Variants in NCOA4 observed in about 807,000 individuals in gnomAD.
The protein encoded by NCOA4 is 70 kDa AR-activator.
NCOA4 carries 31 observed loss-of-function variants against 69.5 expected under a neutral mutation model. The observed-to-expected ratio is 0.45, with a 90% CI of 0.34 to 0.60. The LOEUF is 0.60. Ranked by LOEUF, NCOA4 falls within the 20% of genes least tolerant of loss-of-function variation. The pLI is 0.02. For synonymous variants in NCOA4, 228 were observed against 252.4 expected, an observed-to-expected ratio of 0.90 and a Z score of 0.92; for missense variants, 600 against 719.2, an observed-to-expected ratio of 0.83 and a Z score of 1.90.
Position 46,010,607 on chromosome 10 carries a change from A to G in NCOA4, c.1314T>C (p.Asp438=), listed in dbSNP as rs782139845. The G allele has an allele frequency of 5.0e-6, 8 of 1,613,908 alleles. No homozygotes were observed. The South Asian group carries it at 8.8e-5, about 18-fold the overall frequency. The change falls in exon 8 of 10, where the codon GAT becomes GAC. Residue 438 remains aspartate, a synonymous_variant. Transcript: ENST00000581486. ...TGGGTTCCACAGGCATCCCATTTTT[A>G]TCCTTTCCTTCTTTCTTCAGAAGCC... ...YKWLLKKEGK[D]KNGMPVEPKP...
Position 46,006,295 on chromosome 10 carries a change from T to C in NCOA4, c.*297A>G, listed in dbSNP as rs1838805087. 4.3e-6 allele frequency: 2 copies of C among 462,442 alleles called. No homozygotes were observed. The highest frequency in any genetic ancestry group is 7.9e-6 in the Non-Finnish European group (2 of 254,434). 28.6% of individuals were successfully genotyped at this position (462,442 alleles called of 1,614,324 possible). On this transcript the variant is annotated 3_prime_UTR_variant, in exon 10 of 10. Transcript: ENST00000581486. ...AGTAACGACCCAATCTAAGGAGCCTTGGAGGCTTGTGAAAAAGACGTCCAC... is the reference window on the plus strand; with the variant it reads ...AGTAACGACCCAATCTAAGGAGCCTCGGAGGCTTGTGAAAAAGACGTCCAC...
intron 3 of NCOA4, 75 bp downstream of exon 3, chr10:46,015,051 C>A: frequency 1.9e-6 from 3 of 1,600,888 alleles, no homozygotes; most frequent in Non-Finnish European, 2.6e-6. Context: ...TATATTAACA[C>A]TGCATTACAA....
chr10:46,024,038 C>A, intron 1 of NCOA4, among the ~76,000 whole-genome samples: 1 of 152,254 alleles, frequency 6.6e-6, no homozygotes, highest in East Asian at 1.9e-4. Context: ...AAGGGGAACA[C>A]TAAGGAGCCA....
rs781944527 is a variant in NCOA4 at position 46,010,630 on chromosome 10, G to A, written c.1291C>T (p.Leu431Phe). 2 of 1,614,146 alleles carry A rather than the reference G, an allele frequency of 1.2e-6. No homozygotes were observed. Among genetic ancestry groups the A allele is most frequent in the South Asian group, 2.2e-5 (2 of 91,086 alleles). Reference protein sequence around the residue: ...NCEKEALYKWLLKKEGKDKNG... With the variant: ...NCEKEALYKWFLKKEGKDKNG... The stretch of plus-strand genomic sequence containing the variant: ...TTATCCTTTCCTTCTTTCTTCAGAA[G>A]CCACTTATACAGAGCCTCCTTCTCA... The change falls in exon 8 of 10, where the codon CTT becomes TTT. Residue 431 changes from leucine to phenylalanine, a missense_variant. Leu to Phe is a conservative substitution (Grantham distance 22). Coordinates refer to ENST00000581486, the MANE Select transcript of NCOA4 (RefSeq NM_001145263.2).
chr10:46,013,265 C>T (rs781894875), intron 6 of NCOA4, among the ~76,000 whole-genome samples: 1 of 152,184 alleles, frequency 6.6e-6, no homozygotes, highest in Non-Finnish European at 1.5e-5. Context: ...ATCATCTCTA[C>T]AAATTATAAA....
In NCOA4 at chr10:46,027,327, AAGTTAAGC is replaced by A. The variant is rs1337504521; in HGVS notation, c.-15+3191_-15+3198del. 1.8e-5 allele frequency: 18 copies of A among 998,650 alleles called. No homozygotes were observed. In the African/African-American group the frequency reaches 2.9e-4, roughly 16 times the overall value. The allele number at this position is 998,650 out of a possible 1,614,324, so 61.9% of individuals were successfully genotyped here. A position where few individuals can be genotyped will look rare whatever the true frequency, so the allele number is the denominator to read the frequency against. ...TTAAGACTGTAGTCATTCATATCAGAAGTTAAGCATTGCAATGTTATGATTTAACAATC... is the reference window on the plus strand; with the variant it reads ...TTAAGACTGTAGTCATTCATATCAGAATTGCAATGTTATGATTTAACAATC... On this transcript the variant is annotated intron_variant, in intron 1 of 9. Coordinates refer to ENST00000581486, the MANE Select transcript of NCOA4 (RefSeq NM_001145263.2).
chr10:46,010,426 T>A lies in NCOA4; in HGVS notation c.1495A>T (p.Ile499Phe). Residue 499 changes from isoleucine (I) to phenylalanine (F), a missense_variant, in exon 8 of 10, where the codon ATC (isoleucine) becomes TTC (phenylalanine). Transcript: ENST00000581486. ...IKNSPLSEWL[I>F]RPPYKEGSPK... ...CTTCCTTCTTTGTATGGGGGCCTGATAAGCCACTCCGACAAGGGGCTGTTC... is the reference window on the plus strand; with the variant it reads ...CTTCCTTCTTTGTATGGGGGCCTGAAAAGCCACTCCGACAAGGGGCTGTTC... 8 of 1,614,220 alleles carry A rather than the reference T, an allele frequency of 5.0e-6. No individual in the cohort carries two copies. Among genetic ancestry groups the A allele is most frequent in the Non-Finnish European group, 6.8e-6 (8 of 1,180,038 alleles).
intron 1 of NCOA4, among the ~76,000 whole-genome samples, chr10:46,026,089 C>A (rs781850334): frequency 6.6e-6 from 1 of 152,234 alleles, no homozygotes; most frequent in Non-Finnish European, 1.5e-5. Context: ...TAGGTTCAGA[C>A]TAGCCACAGT....
At chr10:46,023,681 G>T (rs1840021403) in intron 1 of NCOA4, among the ~76,000 whole-genome samples, 1 of 152,202 alleles carries the variant, frequency 6.6e-6, no homozygotes, top group Non-Finnish European at 1.5e-5. Flanking sequence ...CTCCTCTCCA[G>T]CCTCTCCTCT....
chr10:46,011,146 T>A lies in NCOA4; in HGVS notation c.775A>T (p.Asn259Tyr). The A allele has an allele frequency of 6.2e-7, 1 of 1,612,128 alleles. No homozygotes were observed. The change falls in exon 8 of 10, where the codon AAC becomes TAC. Residue 259 changes from asparagine (N) to tyrosine (Y), a missense_variant. Transcript: ENST00000581486. ...GATTTTTCACTCTTGAGGAGCCAGT[T>A]TTCTAAGCCCTTTAGGTTTCCCCCG... ...NVGGNLKGLENWLLKSEKSSY... is the reference protein window; with the variant it reads ...NVGGNLKGLEYWLLKSEKSSY...
chr10:46,021,286 T>TA (rs1839855483), intron 1 of NCOA4, among the ~76,000 whole-genome samples: 1 of 152,194 alleles, frequency 6.6e-6, no homozygotes, highest in Non-Finnish European at 1.5e-5. Context: ...CAAGCCTCTT[T>TA]AAAAAAATAA....
intron 5 of NCOA4, 69 bp downstream of exon 5, chr10:46,014,374 AT>A: frequency 9.0e-5 from 104 of 1,149,892 alleles, no homozygotes; most frequent in South Asian, 1.5e-4. Flanking sequence ...ATTCATAGCA[AT>A]TTTTTTTAAG....
intron 1 of NCOA4, among the ~76,000 whole-genome samples, chr10:46,018,262 C>G (rs1839684401): frequency 6.6e-6 from 1 of 152,106 alleles, no homozygotes; most frequent in South Asian, 2.1e-4. Context: ...AAAACAATCT[C>G]TACATAGCTG....
chr10:46,011,121 G>T lies in NCOA4; in HGVS notation c.800C>A (p.Ser267Ter), dbSNP rs1188506416. Residue 267 changes from serine to a stop codon, truncating the protein, a stop_gained, in exon 8 of 10, where the codon TCA (serine) becomes TAA (stop). Transcript: ENST00000581486. LOFTEE classifies it high-confidence loss of function. ...ATGGCTGTTACACTTTTGATAACTT[G>T]ATTTTTCACTCTTGAGGAGCCAGTT... ...LENWLLKSEK[S>*]SYQKCNSHST... is the part of the protein sequence containing the mutation. 8 of 1,613,576 alleles carry T rather than the reference G, an allele frequency of 5.0e-6. No individual in the cohort carries two copies. The highest frequency in any genetic ancestry group is 6.8e-6 in the Non-Finnish European group (8 of 1,179,776).
chr10:46,018,427 C>T (rs1010513039), intron 1 of NCOA4, among the ~76,000 whole-genome samples: 18 of 152,222 alleles, frequency 1.2e-4, no homozygotes, highest in African/African-American at 3.9e-4. Flanking sequence ...ATAACTTACA[C>T]ACTATTTGAC....
rs142126211 is a variant in NCOA4, at chr10:46,007,476, T to C, written c.1840-879A>G. ...TCAGTGCAGACAAAACAACTTCCTATTGGAAGAAGTAGTCATCTAGAACTG... is the reference window on the plus strand; with the variant it reads ...TCAGTGCAGACAAAACAACTTCCTACTGGAAGAAGTAGTCATCTAGAACTG... On this transcript the variant is annotated intron_variant, in intron 9 of 9. Transcript: ENST00000581486. Among the ~76,000 whole-genome samples the C allele has an allele frequency of 1.5e-4, 23 of 152,196 alleles. No homozygotes were observed. The East Asian group carries it at 3.5e-3, about 23-fold the overall frequency.
chr10:46,019,452 T>A, intron 1 of NCOA4: 3 of 985,488 alleles, frequency 3.0e-6, no homozygotes, highest in Non-Finnish European at 3.6e-6. Context: ...CCAGCCTTCT[T>A]CACCTGTGCC....
Position 46,006,765 on chromosome 10 carries a change from A to G in NCOA4, c.1840-168T>C, listed in dbSNP as rs532437304. ...TGAACTATGCCCATTAAAGATGGTA[A>G]ACTTTTCATCAATAAATGTCCTGAA... On this transcript the variant is annotated intron_variant, in intron 9 of 9. Transcript: ENST00000581486. Among the ~76,000 whole-genome samples, 108 of 152,348 alleles carry G rather than the reference A, an allele frequency of 7.1e-4. 2 individuals carry two copies. The South Asian group carries it at 0.022, about 31-fold the overall frequency.
chr10:46,011,866 C>T (rs1839230398), intron 7 of NCOA4, among the ~76,000 whole-genome samples: 2 of 150,994 alleles, frequency 1.3e-5, no homozygotes, highest in South Asian at 2.1e-4. Flanking sequence ...CTGGCTAACA[C>T]GGGTGAAACC....
Sources: allele counts gnomAD v4.1 joint callset (sites outside exome capture counted in the v4.1 genomes callset), GRCh38; gene constraint gnomAD v4.1.1; transcripts MANE v1.5; gene names NCBI Gene and HGNC (gene_info 2026-07-23, HGNC 2026-07-21).